The following GABRA1 variants were observed in gnomAD, a reference collection of about 807,000 sequenced individuals.
GABRA1 encodes the protein gamma-aminobutyric acid receptor subunit alpha-1.
GABRA1 carries 9 observed loss-of-function variants against 48.9 expected under a neutral mutation model. The observed-to-expected ratio is 0.18, with a 90% CI of 0.11 to 0.32. The LOEUF is 0.32. Among genes scored for constraint, GABRA1 ranks in the 10% least tolerant of loss-of-function variants. The probability of loss-of-function intolerance (pLI) is 1.00; values close to 1 mark genes in which losing one functional copy is unlikely to be tolerated. For missense variants in GABRA1, 285 were observed against 553.8 expected (o/e 0.51, Z 4.87); for synonymous variants, 210 against 198.7 (o/e 1.06, Z -0.48).
chr5:161,865,581 A>T, intron 3 of GABRA1, 140 bp from the exon 4 acceptor site: 1 of 747,266 alleles, frequency 1.3e-6, no homozygotes, highest in East Asian at 2.5e-5. Flanking sequence ...GCAGTAAATT[A>T]TCAGGACTAC....
At position 161,859,630 on chromosome 5, in the gene GABRA1, T is replaced by G. The variant is rs10475701; in HGVS notation, c.187+5360T>G. ...AGCTGTCCCGGGATGATAAAATGCC[T>G]GATATTCATGTGATCTTTTGATTTT... On this transcript the variant is annotated intron_variant, in intron 3 of 9. Coordinates refer to ENST00000393943, the MANE Select transcript of GABRA1 (RefSeq NM_001127644.2). 3.9e-3 allele frequency among the ~76,000 whole-genome samples: 600 copies of G among 151,940 alleles called. 6 individuals are homozygous for G. The highest frequency in any genetic ancestry group is 0.014 in the African/African-American group (581 of 41,520).
At chr5:161,893,669 T>A (rs1245403566) in intron 8 of GABRA1, among the ~76,000 whole-genome samples, 1 of 152,220 alleles carries the variant, frequency 6.6e-6, no homozygotes, top group African/African-American at 2.4e-5. Flanking sequence ...CACTTAATTT[T>A]GCTGCCAAAT....
chr5:161,870,655 G>GAA (rs1754074179), intron 4 of GABRA1, among the ~76,000 whole-genome samples: 1 of 151,566 alleles, frequency 6.6e-6, no homozygotes, highest in Admixed American at 6.6e-5. Context: ...GAAAGAAAAA[G>GAA]AAAGAAAAAA....
At chr5:161,873,985 T>C (rs573912432) in intron 5 of GABRA1, among the ~76,000 whole-genome samples, 99 of 152,250 alleles carry the variant, frequency 6.5e-4, no homozygotes, top group Admixed American at 1.2e-3. Flanking sequence ...GAATTTTATA[T>C]AGAAAAAAAG....
chr5:161,854,016 C>T (rs560644419), intron 2 of GABRA1, 142 bp from the exon 3 acceptor site: 19 of 525,954 alleles, frequency 3.6e-5, no homozygotes, highest in African/African-American at 1.5e-4. Context: ...AATAACATTC[C>T]TTTTTACCTT....
chr5:161,851,259 G>T (rs1351024333), intron 2 of GABRA1, among the ~76,000 whole-genome samples: 1 of 152,066 alleles, frequency 6.6e-6, no homozygotes, highest in Non-Finnish European at 1.5e-5. Flanking sequence ...CTAGCCTATT[G>T]TAAAGATCAT....
chr5:161,897,165 G>A lies in GABRA1; in HGVS notation c.1114G>A (p.Ala372Thr). The A allele has an allele frequency of 6.2e-7, 1 of 1,614,014 alleles. No individual in the cohort carries two copies. The highest frequency in any genetic ancestry group is 8.5e-7 in the Non-Finnish European group (1 of 1,179,998). ...GAAAAACAACACTTACGCTCCAACA[G>A]CAACCAGCTACACCCCTAATTTGGC... Reference protein sequence around the residue: ...IKKNNTYAPTATSYTPNLARG... With the variant: ...IKKNNTYAPTTTSYTPNLARG... The change falls in exon 10 of 10, where the codon GCA (alanine) becomes ACA (threonine). Residue 372 changes from alanine (A) to threonine (T), a missense_variant. Coordinates refer to ENST00000393943, the MANE Select transcript of GABRA1 (RefSeq NM_001127644.2).
intron 2 of GABRA1, among the ~76,000 whole-genome samples, chr5:161,851,360 G>A (rs573012286): frequency 2.0e-5 from 3 of 151,918 alleles, no homozygotes; most frequent in East Asian, 3.9e-4. Flanking sequence ...TGCATATCAC[G>A]TTTTGAAATT....
chr5:161,854,018 T>C, intron 2 of GABRA1, 140 bp from the exon 3 acceptor site: 1 of 539,860 alleles, frequency 1.9e-6, no homozygotes, highest in Non-Finnish European at 3.3e-6. Flanking sequence ...TAACATTCCT[T>C]TTTACCTTGT....
intron 8 of GABRA1, among the ~76,000 whole-genome samples, chr5:161,893,467 G>A (rs1285830399): frequency 6.6e-6 from 1 of 151,742 alleles, no homozygotes. Flanking sequence ...TCTGAGCTCT[G>A]TGAGAAGCCT....
intron 4 of GABRA1, among the ~76,000 whole-genome samples, chr5:161,866,781 C>T (rs1226989042): frequency 2.0e-5 from 3 of 151,952 alleles, no homozygotes; most frequent in Middle Eastern, 3.2e-3. Flanking sequence ...GTGAAGTGAA[C>T]GTTGGGAAAT....
At chr5:161,896,976 G>A in intron 9 of GABRA1, 135 bp from the exon 10 acceptor site, 1 of 740,290 alleles carries the variant, frequency 1.4e-6, no homozygotes, top group Non-Finnish European at 2.3e-6. Context: ...TAATAAGACA[G>A]GCATAAATTA....
intron 6 of GABRA1, among the ~76,000 whole-genome samples, chr5:161,876,913 G>A (rs1245556470): frequency 6.6e-6 from 1 of 152,148 alleles, no homozygotes; most frequent in Non-Finnish European, 1.5e-5. Flanking sequence ...GCCTGGGACA[G>A]TATCGGTTTA....
chr5:161,885,535 A>C (rs1754806502), intron 7 of GABRA1, among the ~76,000 whole-genome samples: 1 of 152,146 alleles, frequency 6.6e-6, no homozygotes, highest in Admixed American at 6.6e-5. Flanking sequence ...AACACATGGG[A>C]AAACATAAAC....
At chr5:161,882,231 G>T (rs2113413240) in intron 6 of GABRA1, 1 of 369,610 alleles carries the variant, frequency 2.7e-6, no homozygotes, top group East Asian at 6.4e-5. Context: ...ATACGTATTT[G>T]CTTATATGTT....
chr5:161,883,756 A>C (rs868646785), intron 7 of GABRA1, among the ~76,000 whole-genome samples: 2 of 152,160 alleles, frequency 1.3e-5, no homozygotes, highest in Non-Finnish European at 2.9e-5. Flanking sequence ...AGCATAATAC[A>C]TTCCAATAAT....
At chr5:161,856,506 A>T (rs1757648682) in intron 3 of GABRA1, among the ~76,000 whole-genome samples, 1 of 151,230 alleles carries the variant, frequency 6.6e-6, no homozygotes, top group Admixed American at 6.6e-5. Flanking sequence ...GATATTTCTG[A>T]TTCCTGGTAA....
chr5:161,865,419 G>T (rs186080020), intron 3 of GABRA1, among the ~76,000 whole-genome samples: 81 of 152,200 alleles, frequency 5.3e-4, no homozygotes, highest in African/African-American at 1.8e-3. Context: ...TCATTACAAT[G>T]TGAAGCAGTT....
chr5:161,890,080 A>G (rs1246798446), intron 7 of GABRA1, among the ~76,000 whole-genome samples: 29 of 152,010 alleles, frequency 1.9e-4, no homozygotes, highest in Admixed American at 1.9e-3. Context: ...AAGAGAAACA[A>G]TAAGACTCTC....
Sources: gnomAD v4.1 joint callset for allele counts (sites outside exome capture counted in the v4.1 genomes callset) on GRCh38, gnomAD v4.1.1 for gene constraint, MANE v1.5 for transcripts, NCBI Gene and HGNC (gene_info 2026-07-23, HGNC 2026-07-21) for gene names.